RAD54L2: variants seen among roughly 807,000 people sequenced by gnomAD.
RAD54L2 encodes the protein helicase ARIP4.
Under a neutral mutation model 138.4 loss-of-function variants are expected in RAD54L2, and 27 were observed. The ratio of observed to expected loss-of-function variants is 0.20; its 90% confidence interval spans 0.14 to 0.27. RAD54L2 has a LOEUF of 0.27. Ranked by LOEUF, RAD54L2 falls within the 10% of genes least tolerant of loss-of-function variation. The probability of loss-of-function intolerance (pLI) is 1.00; values close to 1 mark genes in which losing one functional copy is unlikely to be tolerated. For synonymous variants in RAD54L2, 644 were observed against 723.2 expected, an observed-to-expected ratio of 0.89 and a Z score of 1.76; for missense variants, 1,396 against 1,890.2, an observed-to-expected ratio of 0.74 and a Z score of 4.85.
chr3:51,627,856 T>G (rs1304682385), intron 4 of RAD54L2, 102 bp downstream of exon 4: 8 of 1,333,920 alleles, frequency 6.0e-6, no homozygotes, highest in Non-Finnish European at 7.4e-6. Context: ...AGGACAGTTC[T>G]CTCTCCAAAG....
chr3:51,577,393 A>G (rs1306164185), intron 2 of RAD54L2, among the ~76,000 whole-genome samples: 2 of 152,002 alleles, frequency 1.3e-5, no homozygotes, highest in Non-Finnish European at 2.9e-5. Flanking sequence ...CAATTCCTGG[A>G]TATCCTTGTT....
chr3:51,555,546 A>T (rs1698940959), intron 2 of RAD54L2, among the ~76,000 whole-genome samples: 4 of 152,194 alleles, frequency 2.6e-5, no homozygotes, highest in Admixed American at 2.6e-4. Context: ...AATCCCAGCT[A>T]CTTGGAGGCT....
chr3:51,552,353 C>T (rs902758074), intron 2 of RAD54L2, among the ~76,000 whole-genome samples: 2 of 151,812 alleles, frequency 1.3e-5, no homozygotes, highest in Non-Finnish European at 2.9e-5. Flanking sequence ...AGCTCCGCCT[C>T]CCGGGTTCAT....
At chr3:51,629,995 A>G (rs1031790378) in intron 5 of RAD54L2, among the ~76,000 whole-genome samples, 2 of 152,254 alleles carry the variant, frequency 1.3e-5, no homozygotes, top group Admixed American at 1.3e-4. Flanking sequence ...TACTCTTTAA[A>G]TAGGTTTTAT....
chr3:51,650,863 C>A (rs1577461970), intron 19 of RAD54L2, among the ~76,000 whole-genome samples: 1 of 152,138 alleles, frequency 6.6e-6, no homozygotes, highest in Non-Finnish European at 1.5e-5. Flanking sequence ...ACCCTAACAT[C>A]CCAATTAAAA....
At chr3:51,554,869 G>T (rs1698927233) in intron 2 of RAD54L2, among the ~76,000 whole-genome samples, 1 of 151,722 alleles carries the variant, frequency 6.6e-6, no homozygotes, top group African/African-American at 2.4e-5. Context: ...TTGAGACAAG[G>T]TCTCCCTTTG....
intron 19 of RAD54L2, among the ~76,000 whole-genome samples, chr3:51,646,928 CA>C (rs1290200216): frequency 9.9e-5 from 15 of 151,952 alleles, no homozygotes; most frequent in African/African-American, 3.1e-4. Flanking sequence ...GATCTGGAAC[CA>C]AAAAATCTCT....
At chr3:51,603,058 T>C (rs1700109388) in intron 3 of RAD54L2, among the ~76,000 whole-genome samples, 1 of 151,578 alleles carries the variant, frequency 6.6e-6, no homozygotes, top group African/African-American at 2.4e-5. Flanking sequence ...TCCGACCACT[T>C]TGGGACACTG....
intron 2 of RAD54L2, among the ~76,000 whole-genome samples, chr3:51,569,572 C>G (rs897313356): frequency 2.0e-5 from 3 of 151,970 alleles, no homozygotes; most frequent in African/African-American, 7.2e-5. Context: ...TTAGTAGAGA[C>G]TGGGTTTTAC....
chr3:51,613,071 C>G (rs947845150), intron 3 of RAD54L2, among the ~76,000 whole-genome samples: 1 of 152,076 alleles, frequency 6.6e-6, no homozygotes, highest in Non-Finnish European at 1.5e-5. Flanking sequence ...TCCTGAGTAA[C>G]TGGGACTACA....
chr3:51,599,865 G>A (rs780330971), intron 3 of RAD54L2, among the ~76,000 whole-genome samples: 1 of 151,898 alleles, frequency 6.6e-6, no homozygotes, highest in African/African-American at 2.4e-5. Context: ...TGATCCACCC[G>A]CCTCAGCCTC....
chr3:51,667,743 G>A lies in RAD54L2; in HGVS notation c.*4323G>A, dbSNP rs1041998954. ...TGTATTCTGCTGTGATCCCCTTAACGGCTTTTCTGTGCTACTAGCTTAGCC... is the reference window on the plus strand; with the variant it reads ...TGTATTCTGCTGTGATCCCCTTAACAGCTTTTCTGTGCTACTAGCTTAGCC... On this transcript the variant is annotated 3_prime_UTR_variant, in exon 23 of 23. Coordinates refer to ENST00000684192, the MANE Select transcript of RAD54L2 (RefSeq NM_015106.4). The A allele has an allele frequency of 1.2e-4, 18 of 152,200 alleles. No homozygotes were observed. Among genetic ancestry groups the A allele is most frequent in the African/African-American group, 4.1e-4 (17 of 41,434 alleles). The allele number at this position is 152,200 out of a possible 1,614,324, so 9.4% of individuals were successfully genotyped here. A position where few individuals can be genotyped will look rare whatever the true frequency, so the allele number is the denominator to read the frequency against.
At position 51,631,059 on chromosome 3, in the gene RAD54L2, T is replaced by C. The variant is rs368453131; in HGVS notation, c.825+128T>C. ...TGGTACCAAGAGCAGCTTGTTCAGC[T>C]GTTGGAAAGACCTGATACTTCCTTC... On this transcript the variant is annotated intron_variant, in intron 7 of 22. Transcript: ENST00000684192. 4.4e-6 allele frequency: 4 copies of C among 913,800 alleles called. No individual in the cohort carries two copies. In the African/African-American group the frequency reaches 5.0e-5, roughly 11 times the overall value. The allele number at this position is 913,800 out of a possible 1,614,324, so 56.6% of individuals were successfully genotyped here. A position where few individuals can be genotyped will look rare whatever the true frequency, so the allele number is the denominator to read the frequency against.
intron 2 of RAD54L2, among the ~76,000 whole-genome samples, chr3:51,578,142 C>G (rs1377006106): frequency 6.6e-6 from 1 of 151,666 alleles, no homozygotes; most frequent in Admixed American, 6.6e-5. Flanking sequence ...ACACTCCCCC[C>G]CTGCCCCACC....
chr3:51,644,053 A>G (rs1701208622), intron 16 of RAD54L2, 79 bp downstream of exon 16: 5 of 1,140,814 alleles, frequency 4.4e-6, no homozygotes, highest in South Asian at 1.4e-5. Context: ...CAAAACTCCA[A>G]GTTCCCTCAG....
At chr3:51,603,172 G>A (rs1033821119) in intron 3 of RAD54L2, among the ~76,000 whole-genome samples, 5 of 151,516 alleles carry the variant, frequency 3.3e-5, no homozygotes, top group African/African-American at 1.2e-4. Flanking sequence ...AGCCAGGCAT[G>A]GTGTCAAGCA....
intron 3 of RAD54L2, among the ~76,000 whole-genome samples, chr3:51,607,068 ATTT>A (rs567463593): frequency 7.1e-6 from 1 of 139,956 alleles, no homozygotes. Context: ...TTCTCTTTTT[ATTT>A]TTTTTTATTT....
chr3:51,662,706 C>T lies in RAD54L2; in HGVS notation c.3690C>T (p.Cys1230=), dbSNP rs1265838965. ...LGTEPRLGGH[C]LNSSLLVTGQ... ...CTGAGCCTCGACTAGGGGGTCATTG[C>T]CTCAATAGTTCCCTCTTGGTGACTG... is the stretch of plus-strand genomic sequence containing the variant. Residue 1230 remains cysteine, a synonymous_variant, in exon 23 of 23, where the codon TGC becomes TGT. Coordinates refer to ENST00000684192, the MANE Select transcript of RAD54L2 (RefSeq NM_015106.4). The surrounding 1 kb of genome is among the most constrained non-coding windows in gnomAD (Gnocchi z 4.6). The T allele has an allele frequency of 6.2e-7, 1 of 1,613,848 alleles. No individual in the cohort carries two copies. The highest frequency in any genetic ancestry group is 1.1e-5 in the South Asian group (1 of 91,046).
Position 51,646,432 on chromosome 3 carries a change from G to T in RAD54L2, c.2977G>T (p.Ala993Ser), listed in dbSNP as rs773741931. 8 of 1,613,378 alleles carry T rather than the reference G, an allele frequency of 5.0e-6. No individual in the cohort carries two copies. Among genetic ancestry groups the T allele is most frequent in the Non-Finnish European group, 6.8e-6 (8 of 1,179,616 alleles). ...TRPSYAQYYP[A>S]SDQSLTSIPA... is the part of the protein sequence containing the mutation. ...CCCATCGTATGCGCAGTATTACCCT[G>T]CCAGCGATCAGAGCCTGACCAGCAT... The change falls in exon 19 of 23, where the codon GCC (alanine) becomes TCC (serine). Residue 993 changes from alanine to serine, a missense_variant. By Grantham distance (99) the Ala-to-Ser change is moderately conservative (BLOSUM62 1). Around this residue, in one of 7 missense-constraint regions of RAD54L2, gnomAD observed 634 missense variants for 711.2 expected, o/e 0.89. Coordinates refer to ENST00000684192, the MANE Select transcript of RAD54L2 (RefSeq NM_015106.4).
Sources: allele counts gnomAD v4.1 joint callset (sites outside exome capture counted in the v4.1 genomes callset), GRCh38; gene constraint gnomAD v4.1.1; regional missense constraint gnomAD v4.1.1; non-coding constraint Gnocchi (gnomAD v3.1); transcripts MANE v1.5; gene names NCBI Gene and HGNC (gene_info 2026-07-23, HGNC 2026-07-21).